CEP152: variants seen among roughly 807,000 people sequenced by gnomAD.
CEP152 encodes centrosomal protein of 152 kDa.
Under a neutral mutation model 188.9 loss-of-function variants are expected in CEP152, and 132 were observed. That is an observed-to-expected ratio of 0.70 (90% CI 0.61 to 0.81). CEP152 has a LOEUF of 0.81. CEP152 is among the 30% of genes least tolerant of loss of function. CEP152 has a pLI of 0.00. For missense variants in CEP152, 1,914 were observed against 1,969.8 expected, an observed-to-expected ratio of 0.97 and a Z score of 0.54; for synonymous variants, 649 against 666.6, an observed-to-expected ratio of 0.97 and a Z score of 0.41.
intron 2 of CEP152, 144 bp downstream of exon 2, chr15:48,805,419 G>A (rs1379168101): frequency 1.8e-6 from 2 of 1,103,028 alleles, no homozygotes; most frequent in African/African-American, 1.6e-5. Context: ...AGTCTAAATA[G>A]CAAGCAGATT....
At chr15:48,761,113 T>C (rs1894651580) in intron 18 of CEP152, among the ~76,000 whole-genome samples, 1 of 152,180 alleles carries the variant, frequency 6.6e-6, no homozygotes, top group African/African-American at 2.4e-5. Flanking sequence ...CTATTTAAGA[T>C]TAATAATTTC....
At position 48,769,985 on chromosome 15, in the gene CEP152, T is replaced by C. The variant is rs531900497; in HGVS notation, c.1783-904A>G. Among the ~76,000 whole-genome samples the C allele has an allele frequency of 3.3e-5, 5 of 152,360 alleles. No homozygotes were observed. In the East Asian group the frequency reaches 9.6e-4, roughly 29 times the overall value. ...AACAATTGCTTTCATTTGTATTTCT[T>C]GTGTCACCACCAAAGTGGAACCTCT... On this transcript the variant is annotated intron_variant, in intron 13 of 26. Coordinates refer to ENST00000380950, the MANE Select transcript of CEP152 (RefSeq NM_001194998.2).
chr15:48,784,039 T>G lies in CEP152; in HGVS notation c.1255A>C (p.Ile419Leu), dbSNP rs762142940. Reference protein sequence around the residue: ...QEAIKLEKTEIINKLTRSLEE... With the variant: ...QEAIKLEKTELINKLTRSLEE... ...AGACTTCTTGTCAACTTATTAATGATCTCAGTCTTTTCTAACTTGATTGCT... is the reference window on the plus strand; with the variant it reads ...AGACTTCTTGTCAACTTATTAATGAGCTCAGTCTTTTCTAACTTGATTGCT... Residue 419 changes from isoleucine to leucine, a missense_variant, in exon 10 of 27, where the codon ATC becomes CTC. Physicochemically the swap from Ile to Leu is conservative, Grantham distance 5. Coordinates refer to ENST00000380950, the MANE Select transcript of CEP152 (RefSeq NM_001194998.2). 1.2e-6 allele frequency: 2 copies of G among 1,613,738 alleles called. No homozygotes were observed. The highest frequency in any genetic ancestry group is 1.3e-5 in the African/African-American group (1 of 74,876).
chr15:48,805,890 C>T (rs1897957213), intron 1 of CEP152, among the ~76,000 whole-genome samples: 2 of 152,064 alleles, frequency 1.3e-5, no homozygotes, highest in African/African-American at 4.8e-5. Flanking sequence ...ATGAATAGAC[C>T]TTTCTAGTGG....
intron 12 of CEP152, among the ~76,000 whole-genome samples, chr15:48,779,200 G>T (rs1896103317): frequency 6.6e-6 from 1 of 152,156 alleles, no homozygotes; most frequent in Non-Finnish European, 1.5e-5. Context: ...AAGACATGAA[G>T]AAAGGAGTTT....
rs115797830 is a variant in CEP152 at position 48,757,492 on chromosome 15, C to T, written c.2695-939G>A. On this transcript the variant is annotated intron_variant, in intron 19 of 26. Coordinates refer to ENST00000380950, the MANE Select transcript of CEP152 (RefSeq NM_001194998.2). ...TGCAAAAGTCACTTAATCTCTTTGG[C>T]ACTAACATCTTCACCTATATAAAGG... is the stretch of plus-strand genomic sequence containing the variant. 3.5e-3 allele frequency among the ~76,000 whole-genome samples: 536 copies of T among 152,302 alleles called. 3 individuals carry two copies. Among genetic ancestry groups the T allele is most frequent in the African/African-American group, 0.013 (520 of 41,570 alleles).
In CEP152 at chr15:48,739,201, C is replaced by T. The variant is rs1232016828; in HGVS notation, c.4181G>A (p.Ser1394Asn). Residue 1394 changes from serine to asparagine, a missense_variant, in exon 27 of 27, where the codon AGC (serine) becomes AAC (asparagine). Transcript: ENST00000380950. ...VNQKIPCCIE[S>N]KSNSVNTITR... ...GATGGTGTTTACACTATTTGATTTG[C>T]TTTCAATACAACATGGTATTTTCTG... 12 of 1,613,398 alleles carry T rather than the reference C, an allele frequency of 7.4e-6. No homozygotes were observed. The highest frequency in any genetic ancestry group is 9.3e-6 in the Non-Finnish European group (11 of 1,179,876).
At chr15:48,734,778 A>C (rs1009626126), downstream of CEP152, among the ~76,000 whole-genome samples, 25 of 152,310 alleles carry the variant, frequency 1.6e-4, no homozygotes, top group African/African-American at 5.8e-4. Flanking sequence ...AGTAGATACA[A>C]AGAGGGATAT....
At chr15:48,793,263 T>C (rs1382275280) in intron 7 of CEP152, 58 bp downstream of exon 7, 27 of 1,597,984 alleles carry the variant, frequency 1.7e-5, no homozygotes, top group South Asian at 4.4e-5. Flanking sequence ...TCTGAGGTTA[T>C]TGGAAACAAG....
Position 48,788,864 on chromosome 15 carries a change from G to C in CEP152, c.1110C>G (p.Tyr370Ter), listed in dbSNP as rs946314518. ...TTTGTAAGGACAATACTTGCTCTTC[G>C]TACTTCTTTGTGAGGCCCATAACAA... ...ESIVMGLTKK[Y>*]EEQVLSLQKN... Residue 370 changes from tyrosine (Y) to a stop codon, truncating the protein, a stop_gained, in exon 9 of 27, where the codon TAC becomes TAG. Coordinates refer to ENST00000380950, the MANE Select transcript of CEP152 (RefSeq NM_001194998.2). LOFTEE classifies it high-confidence loss of function. 1.2e-6 allele frequency: 2 copies of C among 1,613,978 alleles called. No homozygotes were observed. The highest frequency in any genetic ancestry group is 1.7e-6 in the Non-Finnish European group (2 of 1,180,014).
intron 9 of CEP152, among the ~76,000 whole-genome samples, chr15:48,784,553 C>T (rs1896497687): frequency 6.6e-6 from 1 of 152,180 alleles, no homozygotes; most frequent in African/African-American, 2.4e-5. Flanking sequence ...TAGATAAACA[C>T]ATGAAAACTC....
At chr15:48,788,724 G>T in intron 9 of CEP152, 77 bp downstream of exon 9, 1 of 1,311,280 alleles carries the variant, frequency 7.6e-7, no homozygotes, top group South Asian at 1.2e-5. Context: ...TCTATATGAT[G>T]AACCATAAAA....
At chr15:48,762,362 A>G in intron 18 of CEP152, 29 bp downstream of exon 18, 1 of 1,598,126 alleles carries the variant, frequency 6.3e-7, no homozygotes. Flanking sequence ...CAGTTCCAAT[A>G]AATTTACTAG....
chr15:48,803,768 C>T (rs1181917559), intron 2 of CEP152, among the ~76,000 whole-genome samples: 2 of 152,180 alleles, frequency 1.3e-5, no homozygotes, highest in Non-Finnish European at 1.5e-5. Context: ...CCACACAATA[C>T]ACTGGCAGAC....
At chr15:48,791,474 T>A in intron 7 of CEP152, 98 bp from the exon 8 acceptor site, 1 of 1,069,234 alleles carries the variant, frequency 9.4e-7, no homozygotes, top group Non-Finnish European at 1.4e-6. Flanking sequence ...TATATAAATG[T>A]TGTTGAATTA....
chr15:48,805,677 T>C (rs1567036415), intron 1 of CEP152, 21 bp from the exon 2 acceptor site: 2 of 1,613,404 alleles, frequency 1.2e-6, no homozygotes, highest in African/African-American at 1.3e-5. Flanking sequence ...GGAAAGATGT[T>C]TGGTTTCTGG....
rs1385719878 is a variant in CEP152 at position 48,738,064 on chromosome 15, T to C, written c.*185A>G. On this transcript the variant is annotated 3_prime_UTR_variant, in exon 27 of 27. Coordinates refer to ENST00000380950, the MANE Select transcript of CEP152 (RefSeq NM_001194998.2). ...ACAAAAGCAGATTATACATACACCA[T>C]CAGGCCTTTGGAATATTAAGGCAAC... 3 of 662,744 alleles carry C rather than the reference T, an allele frequency of 4.5e-6. No individual in the cohort carries two copies. The highest frequency in any genetic ancestry group is 7.4e-6 in the Non-Finnish European group (3 of 404,758). The allele number at this position is 662,744 out of a possible 1,614,324, so 41.1% of individuals were successfully genotyped here.
At chr15:48,769,295 T>G (rs905863378) in intron 13 of CEP152, among the ~76,000 whole-genome samples, 14 of 152,324 alleles carry the variant, frequency 9.2e-5, no homozygotes, top group African/African-American at 3.1e-4. Context: ...CTTATACAAA[T>G]GTCTCCAATT....
chr15:48,754,135 G>T (rs1036155350), intron 20 of CEP152, among the ~76,000 whole-genome samples: 2 of 152,076 alleles, frequency 1.3e-5, no homozygotes, highest in Non-Finnish European at 2.9e-5. Flanking sequence ...ACAAATTCCA[G>T]ATTAGGCATT....
Sources: gnomAD v4.1 joint callset for allele counts (sites outside exome capture counted in the v4.1 genomes callset) on GRCh38, gnomAD v4.1.1 for gene constraint, MANE v1.5 for transcripts, NCBI Gene and HGNC (gene_info 2026-07-23, HGNC 2026-07-21) for gene names.